The following CSMD1 variants were observed in gnomAD, a reference collection of about 807,000 sequenced individuals.
The protein encoded by CSMD1 is CUB and Sushi multiple domains 1, also known as CUB and sushi domain-containing protein 1.
CSMD1 carries 213 observed loss-of-function variants against 417.5 expected under a neutral mutation model. The observed-to-expected ratio is 0.51, with a 90% CI of 0.46 to 0.57. The LOEUF (loss-of-function observed/expected upper bound fraction) is 0.57, where lower values mean the gene tolerates loss of function less well. Ranked by LOEUF, CSMD1 falls within the 20% of genes least tolerant of loss-of-function variation. The pLI is 0.00. For synonymous variants in CSMD1, 2,862 were observed against 1,736.8 expected (o/e 1.65, Z -16.11); for missense variants, 6,923 against 4,529.7 (o/e 1.53, Z -15.17).
chr8:4,395,907 T>C (rs866011261), intron 3 of CSMD1, among the ~76,000 whole-genome samples: 1 of 152,234 alleles, frequency 6.6e-6, no homozygotes, highest in African/African-American at 2.4e-5. Flanking sequence ...ATAAGTGTAA[T>C]TGTAAGTCTG....
intron 3 of CSMD1, among the ~76,000 whole-genome samples, chr8:4,069,193 C>T (rs550899697): frequency 2.4e-4 from 36 of 152,230 alleles, no homozygotes; most frequent in Non-Finnish European, 4.3e-4. Flanking sequence ...AAACCACATA[C>T]TCTGATTGAG....
chr8:4,067,304 C>T (rs1189124351), intron 3 of CSMD1, among the ~76,000 whole-genome samples: 2 of 152,118 alleles, frequency 1.3e-5, no homozygotes, highest in Admixed American at 6.5e-5. Flanking sequence ...CTCCGCCATA[C>T]TAAATTTTCG....
chr8:4,180,776 A>G (rs1362698147), intron 3 of CSMD1, among the ~76,000 whole-genome samples: 2 of 152,140 alleles, frequency 1.3e-5, no homozygotes, highest in African/African-American at 4.8e-5. Flanking sequence ...CATTGTGTTA[A>G]TCTAATATCT....
At chr8:4,014,123 C>G (rs573410163) in intron 4 of CSMD1, among the ~76,000 whole-genome samples, 1 of 151,994 alleles carries the variant, frequency 6.6e-6, no homozygotes, top group Non-Finnish European at 1.5e-5. Context: ...AAAAGAAATG[C>G]AAGTATCAAA....
intron 54 of CSMD1, among the ~76,000 whole-genome samples, chr8:2,985,886 T>C (rs1286443758): frequency 6.7e-6 from 1 of 149,100 alleles, no homozygotes; most frequent in Non-Finnish European, 1.5e-5. Flanking sequence ...TTCTACATTC[T>C]TTGCATATTG....
chr8:4,654,718 C>T (rs1351067205), intron 1 of CSMD1, among the ~76,000 whole-genome samples: 1 of 152,102 alleles, frequency 6.6e-6, no homozygotes, highest in African/African-American at 2.4e-5. Context: ...TGTCTTATTT[C>T]TCAATGCATT....
At chr8:4,250,129 C>T (rs1031996163) in intron 3 of CSMD1, among the ~76,000 whole-genome samples, 20 of 152,164 alleles carry the variant, frequency 1.3e-4, no homozygotes, top group African/African-American at 4.6e-4. Flanking sequence ...GATCAACTAC[C>T]AGTGACTTCA....
At chr8:4,869,617 A>C (rs1013884665) in intron 1 of CSMD1, among the ~76,000 whole-genome samples, 8 of 152,058 alleles carry the variant, frequency 5.3e-5, no homozygotes, top group Non-Finnish European at 1.2e-4. Context: ...ATTCTTTAAA[A>C]AGTATGAATT....
chr8:4,045,541 T>C (rs992322257), intron 3 of CSMD1, among the ~76,000 whole-genome samples: 18 of 152,182 alleles, frequency 1.2e-4, no homozygotes, highest in African/African-American at 1.7e-4. Context: ...GGGCAGCAGA[T>C]GCTGTTACAG....
At chr8:3,365,468 T>G (rs761337080) in intron 20 of CSMD1, among the ~76,000 whole-genome samples, 3 of 152,228 alleles carry the variant, frequency 2.0e-5, no homozygotes, top group Non-Finnish European at 4.4e-5. Flanking sequence ...TTATTACAGT[T>G]GACTCTTGAA....
chr8:4,803,195 C>T (rs1371559562), intron 1 of CSMD1, among the ~76,000 whole-genome samples: 1 of 152,050 alleles, frequency 6.6e-6, no homozygotes, highest in African/African-American at 2.4e-5. Context: ...TGATCCTGGC[C>T]ACTTTCCAAA....
At chr8:4,516,539 G>A (rs1340465344) in intron 2 of CSMD1, among the ~76,000 whole-genome samples, 1 of 152,084 alleles carries the variant, frequency 6.6e-6, no homozygotes, top group Non-Finnish European at 1.5e-5. Context: ...ATTCTCCCCT[G>A]CTTGGTGTGG....
At position 3,026,615 on chromosome 8, in the gene CSMD1, C is replaced by T. The variant is rs567466897; in HGVS notation, c.7855+2704G>A. ...TGGGCCTCACTGGACCTCACTGGAC[C>T]TCACCGGGCCTCCAGCCCTGTCAAC... On this transcript the variant is annotated intron_variant, in intron 51 of 69. Coordinates refer to ENST00000635120, the MANE Select transcript of CSMD1 (RefSeq NM_033225.6). 9.9e-5 allele frequency among the ~76,000 whole-genome samples: 15 copies of T among 152,272 alleles called. No individual in the cohort carries two copies. In the East Asian group the frequency reaches 1.9e-3, roughly 20 times the overall value.
chr8:3,834,129 T>C (rs79511478), intron 5 of CSMD1, among the ~76,000 whole-genome samples: 6,937 of 152,294 alleles, frequency 0.046, 485 homozygotes, highest in African/African-American at 0.14. Context: ...TTTCTAATTG[T>C]CTTCAATTTT....
intron 7 of CSMD1, among the ~76,000 whole-genome samples, chr8:3,699,954 C>A (rs910377662): frequency 4.8e-5 from 6 of 123,732 alleles, no homozygotes; most frequent in African/African-American, 1.7e-4. Context: ...TGGGTTATAT[C>A]CCATAACTAC....
chr8:4,657,986 AGAAG>A (rs1804352089), intron 1 of CSMD1, among the ~76,000 whole-genome samples: 1 of 107,626 alleles, frequency 9.3e-6, no homozygotes, highest in Non-Finnish European at 2.0e-5. Flanking sequence ...TAAAGCAGGT[AGAAG>A]AAAGAATCAA....
chr8:3,377,459 T>G (rs996936932), intron 18 of CSMD1, among the ~76,000 whole-genome samples: 9 of 152,212 alleles, frequency 5.9e-5, no homozygotes, highest in African/African-American at 2.2e-4. Context: ...ACAAAATGAA[T>G]AAGCTAAGTG....
intron 1 of CSMD1, among the ~76,000 whole-genome samples, chr8:4,728,173 T>C (rs62484591): frequency 6.8e-6 from 1 of 147,526 alleles, no homozygotes; most frequent in African/African-American, 2.5e-5. Flanking sequence ...TATATATATT[T>C]ATTTGGCATT....
At chr8:3,354,402 G>A (rs1248823338) in intron 21 of CSMD1, among the ~76,000 whole-genome samples, 1 of 152,140 alleles carries the variant, frequency 6.6e-6, no homozygotes, top group Admixed American at 6.5e-5. Flanking sequence ...AGATCTCTAT[G>A]TTTTAGAAGC....
Sources: gnomAD v4.1 joint callset for allele counts (sites outside exome capture counted in the v4.1 genomes callset) on GRCh38, gnomAD v4.1.1 for gene constraint, MANE v1.5 for transcripts, NCBI Gene and HGNC (gene_info 2026-07-23, HGNC 2026-07-21) for gene names.